Variants in EXTL3 observed in about 807,000 individuals in gnomAD.
EXTL3 encodes the protein exostosin like glycosyltransferase 3, also known as exostosin-like 3.
EXTL3 carries 27 observed loss-of-function variants against 69.3 expected under a neutral mutation model. The ratio of observed to expected loss-of-function variants is 0.39; its 90% confidence interval spans 0.29 to 0.54. The LOEUF (loss-of-function observed/expected upper bound fraction) is 0.54. Ranked by LOEUF, EXTL3 falls within the 20% of genes least tolerant of loss-of-function variation. The pLI, the probability that EXTL3 is intolerant of heterozygous loss-of-function variation, is 0.69. For synonymous variants in EXTL3, 511 were observed against 499.4 expected (o/e 1.02, Z -0.31); for missense variants, 1,003 against 1,231.8 (o/e 0.81, Z 2.78).
chr8:28,731,414 C>A, intron 4 of EXTL3, 64 bp downstream of exon 4: 2 of 1,589,632 alleles, frequency 1.3e-6, no homozygotes, highest in African/African-American at 2.7e-5. Flanking sequence ...GATTAGGCTG[C>A]AAAATGAATT....
At chr8:28,742,180 T>C (rs556606165) in intron 5 of EXTL3, 2 of 152,352 alleles carry the variant, frequency 1.3e-5, no homozygotes, top group African/African-American at 4.8e-5. Context: ...AATAGTAAAA[T>C]ATTAACTAGG....
intron 1 of EXTL3, among the ~76,000 whole-genome samples, chr8:28,639,403 C>T (rs1247383074): frequency 3.9e-5 from 6 of 152,230 alleles, no homozygotes; most frequent in African/African-American, 1.4e-4. Context: ...GGTTCTGCTG[C>T]TCTGCAGTCC....
At chr8:28,731,104 G>A in intron 3 of EXTL3, 119 bp from the exon 4 acceptor site, 1 of 1,253,538 alleles carries the variant, frequency 8.0e-7, no homozygotes, top group Non-Finnish European at 1.2e-6. Flanking sequence ...TACAAGCGCG[G>A]AGATCAGGCA....
intron 1 of EXTL3, among the ~76,000 whole-genome samples, chr8:28,625,081 C>G (rs895660516): frequency 6.6e-6 from 1 of 152,154 alleles, no homozygotes; most frequent in Non-Finnish European, 1.5e-5. Context: ...AAAACTGACC[C>G]GCAGTTACAG....
chr8:28,659,478 G>A (rs1355362335), intron 1 of EXTL3, among the ~76,000 whole-genome samples: 2 of 152,142 alleles, frequency 1.3e-5, no homozygotes, highest in East Asian at 1.9e-4. Context: ...AACTGATTTC[G>A]ATTTCTCTCT....
chr8:28,703,226 A>G (rs868317737), intron 1 of EXTL3, among the ~76,000 whole-genome samples: 4 of 152,160 alleles, frequency 2.6e-5, no homozygotes, highest in Non-Finnish European at 4.4e-5. Context: ...CTTAATGTCC[A>G]GAGATGTGAG....
chr8:28,743,940 T>C (rs1229784621), intron 6 of EXTL3: 1 of 152,498 alleles, frequency 6.6e-6, no homozygotes. Context: ...CAACCAAAAA[T>C]ACCCTCAGAA....
At chr8:28,736,211 G>C (rs896279570) in intron 4 of EXTL3, among the ~76,000 whole-genome samples, 8 of 152,150 alleles carry the variant, frequency 5.3e-5, no homozygotes, top group Non-Finnish European at 1.2e-4. Context: ...CCACCTAGAA[G>C]GCTGTTACAT....
chr8:28,707,742 G>C (rs1563211185), intron 1 of EXTL3, among the ~76,000 whole-genome samples: 2 of 152,148 alleles, frequency 1.3e-5, no homozygotes, highest in Non-Finnish European at 2.9e-5. Flanking sequence ...GTCCCGGTTT[G>C]TTATTTGAAA....
Position 28,717,455 on chromosome 8 carries a change from G to A in EXTL3, c.1396G>A (p.Glu466Lys), listed in dbSNP as rs779304414. The A allele has an allele frequency of 1.2e-5, 20 of 1,614,066 alleles. No homozygotes were observed. In the East Asian group the frequency reaches 1.6e-4, roughly 13 times the overall value. Residue 466 changes from glutamate to lysine, a missense_variant, in exon 3 of 7, where the codon GAG becomes AAG. Physicochemically the swap from Glu to Lys is moderately conservative, Grantham distance 56. Around this residue, in one of 2 missense-constraint regions of EXTL3, gnomAD observed 742 missense variants for 815.4 expected, o/e 0.91. Transcript: ENST00000220562. The surrounding 1 kb of genome is among the most constrained non-coding windows in gnomAD (Gnocchi z 8.3). ...CGGTGCCGTCCCGGTGGTGCTGGGG[G>A]AGCAGGTCCAGCTTCCCTACCAGGA... is the stretch of plus-strand genomic sequence containing the variant. ...EVGAVPVVLG[E>K]QVQLPYQDML...
chr8:28,731,167 G>C, intron 3 of EXTL3, 56 bp from the exon 4 acceptor site: 2 of 1,612,290 alleles, frequency 1.2e-6, no homozygotes, highest in Non-Finnish European at 1.7e-6. Context: ...TACAGATTTT[G>C]TTTGGCCTTT....
chr8:28,667,459 C>T (rs895342575), intron 1 of EXTL3, among the ~76,000 whole-genome samples: 9 of 152,212 alleles, frequency 5.9e-5, no homozygotes, highest in Non-Finnish European at 8.8e-5. Context: ...CTGTTCAATA[C>T]TGGGCCTCTT....
At chr8:28,731,132 C>A in intron 3 of EXTL3, 91 bp from the exon 4 acceptor site, 1 of 1,524,320 alleles carries the variant, frequency 6.6e-7, no homozygotes, top group South Asian at 1.1e-5. Flanking sequence ...TCAGTAAATC[C>A]AGCCATGGTC....
chr8:28,717,140 C>T lies in EXTL3; in HGVS notation c.1081C>T (p.Arg361Cys), dbSNP rs766155544. The T allele has an allele frequency of 6.2e-6, 10 of 1,614,100 alleles. No homozygotes were observed. The highest frequency in any genetic ancestry group is 5.3e-5 in the African/African-American group (4 of 74,934). ...ESLRSSLQEA[R>C]SFEEEMEGDP... is the part of the protein sequence containing the mutation. ...TCTGAGGTCTAGCCTTCAGGAGGCCCGCTCCTTCGAAGAGGAAATGGAGGG... is the reference window on the plus strand; with the variant it reads ...TCTGAGGTCTAGCCTTCAGGAGGCCTGCTCCTTCGAAGAGGAAATGGAGGG... Residue 361 changes from arginine to cysteine, a missense_variant, in exon 3 of 7, where the codon CGC becomes TGC. Coordinates refer to ENST00000220562, the MANE Select transcript of EXTL3 (RefSeq NM_001440.4). This position sits in a 1 kb window ranked among gnomAD's most constrained non-coding sequence, Gnocchi z 8.3.
At chr8:28,725,827 C>T (rs58455513) in intron 3 of EXTL3, among the ~76,000 whole-genome samples, 2,257 of 152,108 alleles carry the variant, frequency 0.015, 47 homozygotes, top group African/African-American at 0.052. Flanking sequence ...AAAACAACAT[C>T]AACAAAAATG....
intron 1 of EXTL3, among the ~76,000 whole-genome samples, chr8:28,626,946 G>A (rs886497730): frequency 1.3e-5 from 2 of 152,158 alleles, no homozygotes; most frequent in East Asian, 3.9e-4. Context: ...ACTTTGGGAG[G>A]CCGAGGCAGG....
At chr8:28,685,515 T>G (rs1807563092) in intron 1 of EXTL3, among the ~76,000 whole-genome samples, 1 of 151,788 alleles carries the variant, frequency 6.6e-6, no homozygotes, top group Non-Finnish European at 1.5e-5. Flanking sequence ...CAGGCTGGAG[T>G]GAAGTGGCAG....
intron 3 of EXTL3, among the ~76,000 whole-genome samples, chr8:28,723,688 C>T (rs906024086): frequency 1.4e-5 from 2 of 143,346 alleles, no homozygotes; most frequent in South Asian, 4.4e-4. Context: ...GTTGCCCAGG[C>T]TGGAGCACAG....
intron 1 of EXTL3, among the ~76,000 whole-genome samples, chr8:28,680,173 C>A (rs1807458565): frequency 6.6e-6 from 1 of 151,840 alleles, no homozygotes. Flanking sequence ...GGGCAGATCA[C>A]CTGAGGTCAG....
Sources: gnomAD v4.1 joint callset for allele counts (sites outside exome capture counted in the v4.1 genomes callset) on GRCh38, gnomAD v4.1.1 for gene constraint, gnomAD v4.1.1 regional missense constraint, Gnocchi (gnomAD v3.1) non-coding constraint, MANE v1.5 for transcripts, NCBI Gene and HGNC (gene_info 2026-07-23, HGNC 2026-07-21) for gene names.